The following CC2D2A variants were observed in gnomAD, a reference collection of about 807,000 sequenced individuals.
CC2D2A encodes coiled-coil and C2 domain containing 2A.
CC2D2A carries 155 observed loss-of-function variants against 212.9 expected under a neutral mutation model. The observed-to-expected ratio is 0.73, with a 90% confidence interval of 0.64 to 0.83. The LOEUF is 0.83. Ranked by LOEUF, CC2D2A falls within the 40% of genes least tolerant of loss-of-function variation. The pLI is 0.00. For missense variants in CC2D2A, 1,856 were observed against 1,956.2 expected (o/e 0.95, Z 0.97); for synonymous variants, 667 against 686.5 (o/e 0.97, Z 0.44).
chr4:15,565,395 T>TA (rs1312804798), intron 24 of CC2D2A, among the ~76,000 whole-genome samples: 5 of 130,564 alleles, frequency 3.8e-5, no homozygotes, highest in Non-Finnish European at 1.7e-5. Flanking sequence ...CTCATCCACA[T>TA]ACGGTTTTTT....
intron 15 of CC2D2A, among the ~76,000 whole-genome samples, chr4:15,537,353 G>T (rs1403025007): frequency 1.3e-5 from 2 of 152,202 alleles, no homozygotes; most frequent in Non-Finnish European, 2.9e-5. Context: ...TAATAATGTA[G>T]TAATCACTAA....
intron 4 of CC2D2A, among the ~76,000 whole-genome samples, chr4:15,498,069 T>C (rs1053151806): frequency 2.0e-5 from 3 of 152,270 alleles, no homozygotes; most frequent in Middle Eastern, 3.4e-3. Flanking sequence ...TCCACTATTT[T>C]ATTAAGCCTG....
intron 10 of CC2D2A, 25 bp from the exon 11 acceptor site, chr4:15,516,600 G>T (rs1275912291): frequency 2.5e-6 from 4 of 1,597,132 alleles, no homozygotes; most frequent in Non-Finnish European, 3.4e-6. Flanking sequence ...AGAAAATGTT[G>T]CCATTCCCTC....
Position 15,557,402 on chromosome 4 carries a change from C to T in CC2D2A, c.2724C>T (p.Ser908=), listed in dbSNP as rs757517563. 6 of 1,613,206 alleles carry T rather than the reference C, an allele frequency of 3.7e-6. No homozygotes were observed. In the South Asian group the frequency reaches 6.6e-5, roughly 18 times the overall value. Residue 908 remains serine, a synonymous_variant, in exon 21 of 37, where the codon TCC becomes TCT. Transcript: ENST00000424120. Reference sequence around the variant, plus strand: ...TTTCAGATCAAGAATTAAATAGATCCAAACGATTTAGGCTTCTTCATCTTA... The same window carrying T: ...TTTCAGATCAAGAATTAAATAGATCTAAACGATTTAGGCTTCTTCATCTTA... The part of the protein sequence containing the change: ...NFVSDQELNR[S]KRFRLLHLRS...
chr4:15,519,197 C>T, intron 11 of CC2D2A: 4 of 290,032 alleles, frequency 1.4e-5, no homozygotes, highest in South Asian at 1.2e-4. Flanking sequence ...AATCATCTCT[C>T]TCTCAAGTTC....
chr4:15,488,678 G>A (rs1252438847), intron 4 of CC2D2A, among the ~76,000 whole-genome samples: 2 of 152,194 alleles, frequency 1.3e-5, no homozygotes, highest in African/African-American at 4.8e-5. Flanking sequence ...GCCCCTCAGT[G>A]ATACCAGCCC....
At chr4:15,518,159 C>G (rs1228434654) in intron 11 of CC2D2A, among the ~76,000 whole-genome samples, 1 of 152,164 alleles carries the variant, frequency 6.6e-6, no homozygotes, top group Non-Finnish European at 1.5e-5. Context: ...AACAACTCCC[C>G]CAAAGTTTTA....
intron 11 of CC2D2A, chr4:15,519,650 G>A (rs1450366415): frequency 2.3e-6 from 1 of 431,324 alleles, no homozygotes; most frequent in Non-Finnish European, 4.6e-6. Context: ...CACAATCATG[G>A]TGGAAGACAA....
intron 4 of CC2D2A, among the ~76,000 whole-genome samples, chr4:15,483,330 G>A (rs1035511502): frequency 5.3e-5 from 8 of 152,196 alleles, no homozygotes; most frequent in African/African-American, 1.9e-4. Context: ...GAGTCTGCAT[G>A]GGGAACTGTA....
intron 3 of CC2D2A, 29 bp downstream of exon 3, chr4:15,478,835 G>T: frequency 6.6e-7 from 1 of 1,508,346 alleles, no homozygotes; most frequent in Non-Finnish European, 9.0e-7. Flanking sequence ...CTGTGTCTGC[G>T]TATTGTCATT....
rs188331875 is a variant in CC2D2A, at chr4:15,570,926, T to C, written c.3594+430T>C. Among the ~76,000 whole-genome samples the C allele has an allele frequency of 2.5e-3, 382 of 152,162 alleles. 1 individual carries two copies. Among genetic ancestry groups the C allele is most frequent in the Non-Finnish European group, 4.6e-3 (311 of 67,992 alleles). ...ACAAAAACAAACAAAAAAACTTTCT[T>C]TGTGCGATACATCCTTAACACTGGA... On this transcript the variant is annotated intron_variant, in intron 28 of 36. Transcript: ENST00000424120.
chr4:15,540,387 T>C (rs1577360127), intron 16 of CC2D2A, among the ~76,000 whole-genome samples: 1 of 152,172 alleles, frequency 6.6e-6, no homozygotes, highest in Non-Finnish European at 1.5e-5. Flanking sequence ...TCTGAAAATG[T>C]TGAGAAAAAC....
chr4:15,521,513 T>A (rs6826049), intron 11 of CC2D2A, among the ~76,000 whole-genome samples: 1,763 of 152,326 alleles, frequency 0.012, 29 homozygotes, highest in African/African-American at 0.039. Flanking sequence ...CAGCCTCTAT[T>A]TTCAGTCTTA....
intron 14 of CC2D2A, among the ~76,000 whole-genome samples, chr4:15,535,831 T>C (rs561063662): frequency 1.5e-3 from 222 of 152,320 alleles, no homozygotes; most frequent in Middle Eastern, 0.01. Flanking sequence ...GAAGCTTAAC[T>C]GCCTTGGGGG....
At position 15,599,521 on chromosome 4, in the gene CC2D2A, G is replaced by A; in HGVS notation, c.4497-8G>A. The A allele has an allele frequency of 6.6e-7, 1 of 1,512,822 alleles. No homozygotes were observed. The highest frequency in any genetic ancestry group is 8.9e-7 in the Non-Finnish European group (1 of 1,119,402). 93.7% of individuals were successfully genotyped at this position (1,512,822 alleles called of 1,614,324 possible). A position where few individuals can be genotyped will look rare whatever the true frequency, so the allele number is the denominator to read the frequency against. On this transcript the variant is annotated splice_polypyrimidine_tract_variant and splice_region_variant and intron_variant, in intron 35 of 36. Coordinates refer to ENST00000424120, the MANE Select transcript of CC2D2A (RefSeq NM_001378615.1). ...CACCAAAAAATGGAATTTATGTTTT[G>A]TGAACAGGATTGAAAAAATACTAAA... is the stretch of plus-strand genomic sequence containing the variant.
chr4:15,506,638 G>A (rs1227487182), intron 6 of CC2D2A, among the ~76,000 whole-genome samples: 2 of 152,156 alleles, frequency 1.3e-5, no homozygotes, highest in African/African-American at 4.8e-5. Flanking sequence ...TACAGGAAGT[G>A]CAGCAGACAG....
At chr4:15,524,536 C>T (rs924470478) in intron 11 of CC2D2A, among the ~76,000 whole-genome samples, 5 of 150,878 alleles carry the variant, frequency 3.3e-5, no homozygotes, top group South Asian at 2.1e-4. Flanking sequence ...CTGCAAGCTC[C>T]GCCTCCCGGG....
chr4:15,586,591 T>G (rs1720865021), intron 31 of CC2D2A, among the ~76,000 whole-genome samples: 1 of 152,198 alleles, frequency 6.6e-6, no homozygotes, highest in African/African-American at 2.4e-5. Flanking sequence ...ATTCCTTAAT[T>G]TGTGGGCTTT....
chr4:15,558,326 G>A (rs1719392848), intron 21 of CC2D2A, among the ~76,000 whole-genome samples: 1 of 152,126 alleles, frequency 6.6e-6, no homozygotes, highest in Admixed American at 6.5e-5. Context: ...TTTGGACTTT[G>A]ATCACAGGAG....
Sources: gnomAD v4.1 joint callset for allele counts (sites outside exome capture counted in the v4.1 genomes callset) on GRCh38, gnomAD v4.1.1 for gene constraint, MANE v1.5 for transcripts, NCBI Gene and HGNC (gene_info 2026-07-23, HGNC 2026-07-21) for gene names.